PYGM: variants seen among roughly 807,000 people sequenced by gnomAD.
The protein encoded by PYGM is glycogen phosphorylase, muscle associated.
PYGM carries 81 observed loss-of-function variants against 99.3 expected under a neutral mutation model. The ratio of observed to expected loss-of-function variants is 0.82; its 90% CI spans 0.68 to 0.98. The LOEUF (loss-of-function observed/expected upper bound fraction) is 0.98. PYGM is among the 50% of genes least tolerant of loss of function. PYGM has a pLI of 0.00. For missense variants in PYGM, 1,030 were observed against 1,158.1 expected (o/e 0.89, Z 1.61); for synonymous variants, 436 against 451.5 (o/e 0.97, Z 0.44).
At chr11:64,747,516 C>A in intron 17 of PYGM, 158 bp from the exon 18 acceptor site, 1 of 820,482 alleles carries the variant, frequency 1.2e-6, no homozygotes. Flanking sequence ...CCCTGCAACT[C>A]CCCTTCTCTG....
In PYGM at chr11:64,757,858, C is replaced by T. The variant is rs115259855; in HGVS notation, c.581G>A (p.Arg194Gln). The T allele has an allele frequency of 1.7e-5, 28 of 1,614,170 alleles. No individual in the cohort carries two copies. Among genetic ancestry groups the T allele is most frequent in the Middle Eastern group, 1.6e-4 (1 of 6,062 alleles). Reference sequence around the variant, plus strand: ...GTGCACAGGTAGCGTGAACTCGGGCCGGGCCTTCTCCCAGGGGTTGCCGTA... The same window carrying T: ...GTGCACAGGTAGCGTGAACTCGGGCTGGGCCTTCTCCCAGGGGTTGCCGTA... ...LRYGNPWEKA[R>Q]PEFTLPVHFY... The change falls in exon 5 of 20, where the codon CGG becomes CAG. Residue 194 changes from arginine (R) to glutamine (Q), a missense_variant. By Grantham distance (43) the Arg-to-Gln change is conservative. Transcript: ENST00000164139.
In PYGM at chr11:64,754,803, C is replaced by G. The variant is rs1358384674; in HGVS notation, c.889G>C (p.Glu297Gln). 33 of 1,614,000 alleles carry G rather than the reference C, an allele frequency of 2.0e-5. No individual in the cohort carries two copies. Among genetic ancestry groups the G allele is most frequent in the Non-Finnish European group, 2.7e-5 (32 of 1,180,010 alleles). Residue 297 changes from glutamate (E) to glutamine (Q), a missense_variant, in exon 8 of 20, where the codon GAG (glutamate) becomes CAG (glutamine). Coordinates refer to ENST00000164139, the MANE Select transcript of PYGM (RefSeq NM_005609.4). This position sits in a 1 kb window ranked among gnomAD's most constrained non-coding sequence, Gnocchi z 5.5. ...FEGKELRLKQ[E>Q]YFVVAATLQD... ...AGGGTGGCAGCCACCACGAAATACT[C>G]CTGCTTCAGCCGCAGCTCCTTCCCT...
chr11:64,758,459 G>C lies in PYGM; in HGVS notation c.402C>G (p.Asn134Lys), dbSNP rs372262267. The C allele has an allele frequency of 1.4e-5, 22 of 1,613,938 alleles. No individual in the cohort carries two copies. Among genetic ancestry groups the C allele is most frequent in the Non-Finnish European group, 1.9e-5 (22 of 1,180,010 alleles). ...TACCTGCCAGCCGGCCCAGGCCCCC[G>C]TTGCCCAGCCCCGCATCCTCCTCAA... ...EEIEEDAGLG[N>K]GGLGRLAACF... The change falls in exon 3 of 20, where the codon AAC becomes AAG. Residue 134 changes from asparagine (N) to lysine (K), a missense_variant. Physicochemically the swap from Asn to Lys is moderately conservative, Grantham distance 94 (BLOSUM62 0). Coordinates refer to ENST00000164139, the MANE Select transcript of PYGM (RefSeq NM_005609.4).
At chr11:64,758,770 A>G in intron 1 of PYGM, 66 bp from the exon 2 acceptor site, 1 of 1,411,264 alleles carries the variant, frequency 7.1e-7, no homozygotes, top group Non-Finnish European at 1.0e-6. Flanking sequence ...AGCCAGGCCC[A>G]GCCACGCCTG....
chr11:64,747,596 G>C (rs1484951873), intron 17 of PYGM: 10 of 552,070 alleles, frequency 1.8e-5, no homozygotes, highest in Non-Finnish European at 2.9e-5. Context: ...CTAAGTGTTA[G>C]AGCCAAGGCC....
chr11:64,758,519 G>A lies in PYGM; in HGVS notation c.346-4C>T, dbSNP rs2135840541. On this transcript the variant is annotated splice_polypyrimidine_tract_variant and splice_region_variant and intron_variant, in intron 2 of 19. Coordinates refer to ENST00000164139, the MANE Select transcript of PYGM (RefSeq NM_005609.4). ...GCTCCTCCATGTCCAGGCCCAGCTG[G>A]AGGAGTGAGGGTGACAGTGGTCAGG... 1.9e-6 allele frequency: 3 copies of A among 1,614,112 alleles called. No individual in the cohort carries two copies. Among genetic ancestry groups the A allele is most frequent in the Non-Finnish European group, 2.5e-6 (3 of 1,180,024 alleles).
rs1453389298 is a variant in PYGM at position 64,752,075 on chromosome 11, G to A, written c.1621-4C>T. 6.2e-7 allele frequency: 1 copy of A among 1,613,936 alleles called. No homozygotes were observed. The highest frequency in any genetic ancestry group is 1.3e-5 in the African/African-American group (1 of 74,874). On this transcript the variant is annotated splice_region_variant and splice_polypyrimidine_tract_variant and intron_variant, in intron 13 of 19. Transcript: ENST00000164139. The stretch of plus-strand genomic sequence containing the variant: ...CAGCAAACTTCAACTTGTTTTCCTG[G>A]AGGCAGAGACGGGGAAGGGCTCACC...
intron 5 of PYGM, among the ~76,000 whole-genome samples, chr11:64,756,611 C>T (rs902184962): frequency 5.9e-5 from 9 of 152,156 alleles, no homozygotes; most frequent in South Asian, 2.1e-4. Context: ...CCACCATGCC[C>T]GGCTAATGTT....
At position 64,753,553 on chromosome 11, in the gene PYGM, C is replaced by T. The variant is rs2058371309; in HGVS notation, c.1369G>A (p.Ala457Thr). The T allele has an allele frequency of 6.3e-7, 1 of 1,599,562 alleles. No homozygotes were observed. Among genetic ancestry groups the T allele is most frequent in the Non-Finnish European group, 8.5e-7 (1 of 1,176,236 alleles). The stretch of plus-strand genomic sequence containing the variant: ...TTGAGGATCTCGGAGTGGATGCGCG[C>T]CACGCCGTTGACGGCGTGCGACCCC... ...IAGSHAVNGV[A>T]RIHSEILKKT... Residue 457 changes from alanine (A) to threonine (T), a missense_variant, in exon 11 of 20, where the codon GCG becomes ACG. Coordinates refer to ENST00000164139, the MANE Select transcript of PYGM (RefSeq NM_005609.4).
At chr11:64,752,261 C>G in intron 13 of PYGM, 142 bp downstream of exon 13, 1 of 1,282,822 alleles carries the variant, frequency 7.8e-7, no homozygotes, top group East Asian at 2.4e-5. Flanking sequence ...TGATGCCTTC[C>G]CACCACAGAC....
rs1198004865 is a variant in PYGM, at chr11:64,755,300, G to C, written c.828C>G (p.Ile276Met). ...AVLDRNLAEN[I>M]SRVLYPNDNF... The stretch of plus-strand genomic sequence containing the variant: ...TATCATTGGGGTACAGGACACGAGA[G>C]ATGTTCTCCGCCAGGTTTCGGTCCA... The change falls in exon 7 of 20, where the codon ATC (isoleucine) becomes ATG (methionine). Residue 276 changes from isoleucine to methionine, a missense_variant. Physicochemically the swap from Ile to Met is conservative, Grantham distance 10. Transcript: ENST00000164139. The surrounding 1 kb of genome is among the most constrained non-coding windows in gnomAD (Gnocchi z 4.1). 1.7e-5 allele frequency: 28 copies of C among 1,614,048 alleles called. No homozygotes were observed. Among genetic ancestry groups the C allele is most frequent in the Non-Finnish European group, 2.3e-5 (27 of 1,180,026 alleles).
At position 64,755,167 on chromosome 11, in the gene PYGM, T is replaced by G. The variant is rs1297145293; in HGVS notation, c.855+106A>C. On this transcript the variant is annotated intron_variant, in intron 7 of 19. Transcript: ENST00000164139. This position sits in a 1 kb window ranked among gnomAD's most constrained non-coding sequence, Gnocchi z 4.1. ...CACAGGATGCACAAGGCCAGCAATA[T>G]GCCCTGGGTGTGACTAGGGCACCAG... 7.7e-7 allele frequency: 1 copy of G among 1,294,354 alleles called. No homozygotes were observed. Among genetic ancestry groups the G allele is most frequent in the Non-Finnish European group, 1.1e-6 (1 of 898,610 alleles). 80.2% of individuals were successfully genotyped at this position (1,294,354 alleles called of 1,614,324 possible). A position where few individuals can be genotyped will look rare whatever the true frequency, so the allele number is the denominator to read the frequency against.
In PYGM at chr11:64,755,533, G is replaced by A. The variant is rs751890543; in HGVS notation, c.686C>T (p.Thr229Met). 12 of 1,614,064 alleles carry A rather than the reference G, an allele frequency of 7.4e-6. No homozygotes were observed. Among genetic ancestry groups the A allele is most frequent in the Middle Eastern group, 3.3e-4 (2 of 6,062 alleles). Residue 229 changes from threonine to methionine, a missense_variant, in exon 6 of 20, where the codon ACG becomes ATG. Transcript: ENST00000164139. The surrounding 1 kb of genome is among the most constrained non-coding windows in gnomAD (Gnocchi z 4.1). Reference protein sequence around the residue: ...TQVVLAMPYDTPVPGYRNNVV... With the variant: ...TQVVLAMPYDMPVPGYRNNVV... ...ATTGTTGCGATAGCCAGGCACGGGC[G>A]TATCGTAGGGCATGGCCAGTACCAC...
chr11:64,754,964 G>A lies in PYGM; in HGVS notation c.856-128C>T, dbSNP rs1278074819. On this transcript the variant is annotated intron_variant, in intron 7 of 19. Coordinates refer to ENST00000164139, the MANE Select transcript of PYGM (RefSeq NM_005609.4). The surrounding 1 kb of genome is among the most constrained non-coding windows in gnomAD (Gnocchi z 5.5). ...AGCCCTGAGCCGGCCCCCTCTCTGG[G>A]ACCCAGGGGCCTTTCCTCCACCAAG... The A allele has an allele frequency of 1.5e-6, 2 of 1,323,150 alleles. No homozygotes were observed. The highest frequency in any genetic ancestry group is 1.0e-6 in the Non-Finnish European group (1 of 969,450). The allele number at this position is 1,323,150 out of a possible 1,614,324, so 82.0% of individuals were successfully genotyped here. A position where few individuals can be genotyped will look rare whatever the true frequency, so the allele number is the denominator to read the frequency against.
rs771016457 is a variant in PYGM at position 64,751,376 on chromosome 11, G to A, written c.1918C>T (p.Arg640Cys). 62 of 1,613,978 alleles carry A rather than the reference G, an allele frequency of 3.8e-5. No individual in the cohort carries two copies. The Admixed American group carries it at 7.0e-4, about 18-fold the overall frequency. ...TTCTCCAGGAAGATGACACGGAGGCGGTCACCCACTGCCGGGTCATGGTTG... is the reference window on the plus strand; with the variant it reads ...TTCTCCAGGAAGATGACACGGAGGCAGTCACCCACTGCCGGGTCATGGTTG... ...VVNHDPAVGD[R>C]LRVIFLENYR... The change falls in exon 16 of 20, where the codon CGC (arginine) becomes TGC (cysteine). Residue 640 changes from arginine (R) to cysteine (C), a missense_variant. Transcript: ENST00000164139.
intron 13 of PYGM, 49 bp downstream of exon 13, chr11:64,752,354 C>G: frequency 6.3e-7 from 1 of 1,588,614 alleles, no homozygotes. Flanking sequence ...TCTGGCCCCT[C>G]CAGCGCTCTC....
chr11:64,751,666 ACGAGAGGGATCCAGTGGGC>A lies in PYGM; in HGVS notation c.1769-30_1769-12del. On this transcript the variant is annotated splice_polypyrimidine_tract_variant and intron_variant, in intron 14 of 19. Transcript: ENST00000164139. ...GCTCCCTCTTGATGCCTGTGGAGAAACGAGAGGGATCCAGTGGGCCTACCTTTCCCTCTGGGTAGTAGCT... is the reference window on the plus strand; with the variant it reads ...GCTCCCTCTTGATGCCTGTGGAGAAACTACCTTTCCCTCTGGGTAGTAGCT... The A allele has an allele frequency of 6.2e-7, 1 of 1,613,924 alleles. No individual in the cohort carries two copies. The highest frequency in any genetic ancestry group is 1.3e-5 in the African/African-American group (1 of 75,024).
intron 14 of PYGM, 74 bp from the exon 15 acceptor site, chr11:64,751,729 G>A: frequency 3.8e-6 from 6 of 1,579,558 alleles, no homozygotes; most frequent in Non-Finnish European, 5.2e-6. Flanking sequence ...AGGCTGGGCT[G>A]GGACACCGTA....
At chr11:64,758,110 G>T (rs922127224) in intron 4 of PYGM, 136 bp downstream of exon 4, 18 of 1,361,024 alleles carry the variant, frequency 1.3e-5, no homozygotes, top group Non-Finnish European at 1.9e-5. Flanking sequence ...CTGGCTTTGG[G>T]TCGGGGGGTG....
Sources: allele counts gnomAD v4.1 joint callset (sites outside exome capture counted in the v4.1 genomes callset), GRCh38; gene constraint gnomAD v4.1.1; non-coding constraint Gnocchi (gnomAD v3.1); transcripts MANE v1.5; gene names NCBI Gene and HGNC (gene_info 2026-07-23, HGNC 2026-07-21).